WDR3: variants seen among roughly 807,000 people sequenced by gnomAD.
The protein encoded by WDR3 is WD repeat domain 3.
WDR3 carries 81 observed loss-of-function variants against 123.7 expected under a neutral mutation model. The observed-to-expected ratio is 0.65, with a 90% CI of 0.55 to 0.79. WDR3 has a LOEUF of 0.79. WDR3 is among the 30% of genes least tolerant of loss of function. The pLI is 0.00. For synonymous variants in WDR3, 390 were observed against 388.8 expected (o/e 1.00, Z -0.04); for missense variants, 1,027 against 1,123.2 (o/e 0.91, Z 1.22).
At chr1:117,955,871 T>A (rs1010253920) in intron 24 of WDR3, among the ~76,000 whole-genome samples, 4 of 152,162 alleles carry the variant, frequency 2.6e-5, no homozygotes, top group African/African-American at 9.6e-5. Context: ...ACTGAATATG[T>A]TTACACATAT....
rs3059173 is a variant in WDR3 at position 117,960,109 on chromosome 1, C to CGTGT, written c.*697_*700dup. 0.15 allele frequency: 21,959 copies of CGTGT among 144,306 alleles called. 1,654 individuals are homozygous for CGTGT. Among genetic ancestry groups the CGTGT allele is most frequent in the Admixed American group, 0.17 (2,520 of 14,534 alleles). The allele number at this position is 144,306 out of a possible 1,614,324, so 8.9% of individuals were successfully genotyped here. On this transcript the variant is annotated 3_prime_UTR_variant, in exon 27 of 27. Coordinates refer to ENST00000349139, the MANE Select transcript of WDR3 (RefSeq NM_006784.3). ...TGGGCTTCTGAGGAATTAATACACT[C>CGTGT]GTGTGTGTGTGTGTGTGTGTGTGTG...
chr1:117,960,980 A>G lies in WDR3; in HGVS notation c.*1533A>G, dbSNP rs1017163833. ...TTTCAGATCTCCAAAAATTTTTCCA[A>G]TATATTTATTGAAAATATCTGGGCT... On this transcript the variant is annotated 3_prime_UTR_variant, in exon 27 of 27. Transcript: ENST00000349139. 3.3e-5 allele frequency: 5 copies of G among 152,116 alleles called. No individual in the cohort carries two copies. The highest frequency in any genetic ancestry group is 3.3e-4 in the Admixed American group (5 of 15,272). 9.4% of individuals were successfully genotyped at this position (152,116 alleles called of 1,614,324 possible). A position where few individuals can be genotyped will look rare whatever the true frequency, so the allele number is the denominator to read the frequency against.
rs1652905575 is a variant in WDR3 at position 117,960,383 on chromosome 1, A to C, written c.*936A>C. 1 of 152,176 alleles carries C rather than the reference A, an allele frequency of 6.6e-6. No individual in the cohort carries two copies. The highest frequency in any genetic ancestry group is 2.4e-5 in the African/African-American group (1 of 41,438). 9.4% of individuals were successfully genotyped at this position (152,176 alleles called of 1,614,324 possible). ...AGAGAAAAGAAAATGTTACTTAGAAAATCATAAGGAAGAGAAAATATATTT... is the reference window on the plus strand; with the variant it reads ...AGAGAAAAGAAAATGTTACTTAGAACATCATAAGGAAGAGAAAATATATTT... On this transcript the variant is annotated 3_prime_UTR_variant, in exon 27 of 27. Coordinates refer to ENST00000349139, the MANE Select transcript of WDR3 (RefSeq NM_006784.3).
At chr1:117,950,521 G>C (rs1263169469) in intron 15 of WDR3, among the ~76,000 whole-genome samples, 1 of 152,048 alleles carries the variant, frequency 6.6e-6, no homozygotes. Flanking sequence ...GGACCAGGTT[G>C]GGCCTGGGAA....
In WDR3 at chr1:117,939,529, C is replaced by T; in HGVS notation, c.632C>T (p.Ser211Leu). 1 of 1,613,766 alleles carries T rather than the reference C, an allele frequency of 6.2e-7. No individual in the cohort carries two copies. Among genetic ancestry groups the T allele is most frequent in the Non-Finnish European group, 8.5e-7 (1 of 1,179,726 alleles). The part of the protein sequence containing the change: ...SEEKRLITGA[S>L]DSELRVWDIA... ...GAAAAGCGACTCATCACTGGGGCCT[C>T]AGACAGTGAACTGAGGGTATGGGAC... Residue 211 changes from serine (S) to leucine (L), a missense_variant, in exon 6 of 27, where the codon TCA becomes TTA. Ser to Leu is a moderately radical substitution (Grantham distance 145). Coordinates refer to ENST00000349139, the MANE Select transcript of WDR3 (RefSeq NM_006784.3).
intron 5 of WDR3, 128 bp from the exon 6 acceptor site, chr1:117,939,349 A>G: frequency 2.2e-6 from 2 of 890,792 alleles, no homozygotes; most frequent in Non-Finnish European, 3.5e-6. Context: ...AGGGTTGTCG[A>G]TATGCCTTTT....
At chr1:117,943,904 A>G (rs1006647455) in intron 11 of WDR3, among the ~76,000 whole-genome samples, 1 of 152,158 alleles carries the variant, frequency 6.6e-6, no homozygotes, top group African/African-American at 2.4e-5. Context: ...TAAACTTAAT[A>G]AAAAGCAGGC....
chr1:117,952,173 G>A (rs1651642760), intron 17 of WDR3, 97 bp downstream of exon 17: 2 of 1,475,766 alleles, frequency 1.4e-6, no homozygotes, highest in South Asian at 2.4e-5. Context: ...CTCAGGCAGT[G>A]ATACAAGTTC....
At chr1:117,956,950 C>T in intron 24 of WDR3, 118 bp from the exon 25 acceptor site, 3 of 836,762 alleles carry the variant, frequency 3.6e-6, no homozygotes, top group Non-Finnish European at 5.2e-6. Flanking sequence ...TAACTCTAGG[C>T]AAGATGTATC....
intron 24 of WDR3, 44 bp from the exon 25 acceptor site, chr1:117,957,024 C>A: frequency 6.7e-7 from 1 of 1,492,260 alleles, no homozygotes; most frequent in Non-Finnish European, 8.9e-7. Context: ...ATGTTAACAA[C>A]GTTAACAAAT....
intron 17 of WDR3, 38 bp from the exon 18 acceptor site, chr1:117,952,259 G>A (rs1651647166): frequency 3.8e-6 from 6 of 1,572,138 alleles, no homozygotes; most frequent in African/African-American, 1.4e-5. Flanking sequence ...TACTAACCTG[G>A]AATTTGATGA....
chr1:117,956,031 C>T (rs531763830), intron 24 of WDR3, among the ~76,000 whole-genome samples: 1 of 152,214 alleles, frequency 6.6e-6, no homozygotes, highest in East Asian at 1.9e-4. Context: ...AATTTGTTGC[C>T]AGTGTGTGAG....
rs1241368102 is a variant in WDR3, at chr1:117,941,762, G to C, written c.904G>C (p.Val302Leu). The C allele has an allele frequency of 6.2e-7, 1 of 1,611,256 alleles. No homozygotes were observed. Among genetic ancestry groups the C allele is most frequent in the East Asian group, 2.2e-5 (1 of 44,732 alleles). The change falls in exon 9 of 27, where the codon GTG (valine) becomes CTG (leucine). Residue 302 changes from valine (V) to leucine (L), a missense_variant. By Grantham distance (32) the Val-to-Leu change is conservative (BLOSUM62 1). Coordinates refer to ENST00000349139, the MANE Select transcript of WDR3 (RefSeq NM_006784.3). ...RILACHGTDSVLELFCILSKK... is the reference protein window; with the variant it reads ...RILACHGTDSLLELFCILSKK... ...TTTGCCTTTCTAGGGAACTGACTCT[G>C]TGCTAGAATTGTTTTGTATCCTTTC... is the stretch of plus-strand genomic sequence containing the variant.
chr1:117,952,903 A>G (rs1651686591), intron 19 of WDR3, 43 bp from the exon 20 acceptor site: 18 of 1,606,170 alleles, frequency 1.1e-5, no homozygotes, highest in Non-Finnish European at 1.4e-5. Context: ...TATAGAGACC[A>G]TGTTTTTTTC....
intron 10 of WDR3, 107 bp from the exon 11 acceptor site, chr1:117,943,289 T>C (rs1348619771): frequency 4.1e-6 from 4 of 982,356 alleles, no homozygotes; most frequent in South Asian, 3.4e-5. Flanking sequence ...TTTATAGTTA[T>C]TCAAACTTTA....
chr1:117,941,971 G>A, intron 9 of WDR3, 124 bp downstream of exon 9: 1 of 1,406,994 alleles, frequency 7.1e-7, no homozygotes, highest in Non-Finnish European at 9.2e-7. Flanking sequence ...TAAAGAACTT[G>A]TGAGGTATCG....
At position 117,965,880 on chromosome 1, in the gene WDR3, T is replaced by G. The variant is rs962967976; in HGVS notation, c.*6433T>G. 1 of 152,238 alleles carries G rather than the reference T, an allele frequency of 6.6e-6. No homozygotes were observed. The highest frequency in any genetic ancestry group is 1.5e-5 in the Non-Finnish European group (1 of 68,054). 9.4% of individuals were successfully genotyped at this position (152,238 alleles called of 1,614,324 possible). On this transcript the variant is annotated 3_prime_UTR_variant, in exon 27 of 27. Coordinates refer to ENST00000349139, the MANE Select transcript of WDR3 (RefSeq NM_006784.3). ...CCTAATACTCAAGCTTTTGGCAAGT[T>G]GAACTCCCTGCCAATCATCCCAAAC...
intron 21 of WDR3, 137 bp from the exon 22 acceptor site, chr1:117,953,870 G>T: frequency 1.4e-6 from 1 of 711,288 alleles, no homozygotes; most frequent in South Asian, 2.0e-5. Flanking sequence ...ATGCTTTTTG[G>T]CACTCTATTC....
intron 14 of WDR3, 24 bp downstream of exon 14, chr1:117,949,860 A>G (rs1192354428): frequency 6.2e-7 from 1 of 1,612,922 alleles, no homozygotes; most frequent in Non-Finnish European, 8.5e-7. Context: ...TTTTGTGTCC[A>G]TTTTTTGGAG....
Sources: gnomAD v4.1 joint callset for allele counts (sites outside exome capture counted in the v4.1 genomes callset) on GRCh38, gnomAD v4.1.1 for gene constraint, MANE v1.5 for transcripts, NCBI Gene and HGNC (gene_info 2026-07-23, HGNC 2026-07-21) for gene names.